LEMD3: variants seen among roughly 807,000 people sequenced by gnomAD.
The protein encoded by LEMD3 is LEM domain containing 3.
Under a neutral mutation model 95.2 loss-of-function variants are expected in LEMD3, and 33 were observed. That is an observed-to-expected ratio of 0.35 (90% CI 0.26 to 0.46). The LOEUF is 0.46. Among genes scored for constraint, LEMD3 ranks in the 20% least tolerant of loss-of-function variants. The probability of loss-of-function intolerance (pLI) is 1.00; values close to 1 mark genes in which losing one functional copy is unlikely to be tolerated. For missense variants in LEMD3, 1,210 were observed against 1,192.8 expected (o/e 1.01, Z -0.21); for synonymous variants, 525 against 474.6 (o/e 1.11, Z -1.38).
rs543788718 is a variant in LEMD3 at position 65,240,217 on chromosome 12, C to G, written c.2105C>G (p.Ser702Cys). The G allele has an allele frequency of 1.2e-6, 2 of 1,612,388 alleles. No individual in the cohort carries two copies. The highest frequency in any genetic ancestry group is 2.7e-5 in the African/African-American group (2 of 74,864). Residue 702 changes from serine to cysteine, a missense_variant, in exon 8 of 13, where the codon TCC (serine) becomes TGC (cysteine). Coordinates refer to ENST00000308330, the MANE Select transcript of LEMD3 (RefSeq NM_014319.5). ...PYMPIPHVRDSLIQPHDRKKM... is the reference protein window; with the variant it reads ...PYMPIPHVRDCLIQPHDRKKM... ...ATGCCTATTCCACATGTACGCGATT[C>G]CTTAATACAGCCTCATGACAGGTGT...
At chr12:65,192,455 A>G (rs574428628) in intron 1 of LEMD3, among the ~76,000 whole-genome samples, 20 of 152,026 alleles carry the variant, frequency 1.3e-4, no homozygotes, top group Middle Eastern at 3.4e-3. Flanking sequence ...CTTCCTTCCC[A>G]TTGTGCACAA....
chr12:65,179,604 G>A (rs12578404), intron 1 of LEMD3, among the ~76,000 whole-genome samples: 14,069 of 151,994 alleles, frequency 0.093, 720 homozygotes, highest in East Asian at 0.15. Flanking sequence ...ATCTAAATTC[G>A]AATGAAGATA....
At chr12:65,176,248 A>G (rs1006908950) in intron 1 of LEMD3, among the ~76,000 whole-genome samples, 1 of 152,224 alleles carries the variant, frequency 6.6e-6, no homozygotes, top group African/African-American at 2.4e-5. Flanking sequence ...CTCGTTGGCT[A>G]AACTGTTCAT....
intron 3 of LEMD3, among the ~76,000 whole-genome samples, chr12:65,218,105 G>A (rs1177582476): frequency 6.6e-6 from 1 of 152,136 alleles, no homozygotes; most frequent in South Asian, 2.1e-4. Context: ...TAAATGATTA[G>A]CTTTAAGAAT....
intron 4 of LEMD3, among the ~76,000 whole-genome samples, chr12:65,229,853 T>G (rs1229025013): frequency 6.6e-6 from 1 of 152,216 alleles, no homozygotes. Flanking sequence ...ACACCATTTA[T>G]TTTTGCATTT....
chr12:65,245,031 G>T (rs976513199), intron 10 of LEMD3, among the ~76,000 whole-genome samples: 3 of 152,014 alleles, frequency 2.0e-5, no homozygotes. Context: ...AAAGAAAACA[G>T]AAATTACTGT....
intron 4 of LEMD3, among the ~76,000 whole-genome samples, chr12:65,226,571 T>C (rs1372902660): frequency 3.9e-5 from 6 of 152,224 alleles, no homozygotes; most frequent in Non-Finnish European, 8.8e-5. Flanking sequence ...CCTGTGATTA[T>C]GCTTGTCAAC....
intron 6 of LEMD3, among the ~76,000 whole-genome samples, chr12:65,239,193 A>G (rs1402849977): frequency 6.6e-6 from 1 of 152,176 alleles, no homozygotes; most frequent in African/African-American, 2.4e-5. Context: ...TAAAATTTTT[A>G]TCATTTTTTA....
At chr12:65,172,843 A>C (rs1216217740) in intron 1 of LEMD3, among the ~76,000 whole-genome samples, 1 of 151,774 alleles carries the variant, frequency 6.6e-6, no homozygotes, top group Non-Finnish European at 1.5e-5. Flanking sequence ...CTCCTGCCTC[A>C]GCCTCCCAAG....
intron 1 of LEMD3, among the ~76,000 whole-genome samples, chr12:65,182,569 G>A (rs778095910): frequency 1.3e-5 from 2 of 151,962 alleles, no homozygotes; most frequent in African/African-American, 4.8e-5. Context: ...ATCTTTTCAC[G>A]TTACATAATT....
At position 65,186,631 on chromosome 12, in the gene LEMD3, CTTTTTTT is replaced by C. The variant is rs36112519; in HGVS notation, c.1522+15526_1522+15532del. Among the ~76,000 whole-genome samples, 15 of 80,220 alleles carry C rather than the reference CTTTTTTT, an allele frequency of 1.9e-4. No homozygotes were observed. In the South Asian group the frequency reaches 1.9e-3, roughly 10 times the overall value. 52.6% of individuals were successfully genotyped at this position (80,220 alleles called of 152,430 possible). A position where few individuals can be genotyped will look rare whatever the true frequency, so the allele number is the denominator to read the frequency against. ...TATGCTGCAAGGTTGGTTTAGATTG[CTTTTTTT>C]TTTTTTTTTTTTCGACACCTGTTTT... On this transcript the variant is annotated intron_variant, in intron 1 of 12. Coordinates refer to ENST00000308330, the MANE Select transcript of LEMD3 (RefSeq NM_014319.5).
chr12:65,208,465 G>A (rs1251637256), intron 1 of LEMD3, among the ~76,000 whole-genome samples: 1 of 152,012 alleles, frequency 6.6e-6, no homozygotes, highest in African/African-American at 2.4e-5. Context: ...TTGAAACAAG[G>A]TTTCTTCTCT....
chr12:65,173,190 C>T (rs1397223620), intron 1 of LEMD3, among the ~76,000 whole-genome samples: 1 of 152,046 alleles, frequency 6.6e-6, no homozygotes, highest in Non-Finnish European at 1.5e-5. Flanking sequence ...AAGTGGGTAC[C>T]TTTATTATGA....
At chr12:65,202,956 C>T (rs927896988) in intron 1 of LEMD3, among the ~76,000 whole-genome samples, 37 of 152,090 alleles carry the variant, frequency 2.4e-4, no homozygotes, top group African/African-American at 6.7e-4. Context: ...CCCACCTAAA[C>T]GCTTGTTAAT....
chr12:65,221,671 A>G (rs1870293190), intron 4 of LEMD3, among the ~76,000 whole-genome samples: 1 of 151,076 alleles, frequency 6.6e-6, no homozygotes. Flanking sequence ...GTCTAGTGCT[A>G]TGAGAGATAG....
At position 65,169,610 on chromosome 12, in the gene LEMD3, C is replaced by G. The variant is rs1257147609; in HGVS notation, c.14C>G (p.Ala5Gly). The G allele has an allele frequency of 1.9e-6, 3 of 1,587,674 alleles. No individual in the cohort carries two copies. The highest frequency in any genetic ancestry group is 2.3e-5 in the South Asian group (2 of 87,588). Residue 5 changes from alanine (A) to glycine (G), a missense_variant, in exon 1 of 13, where the codon GCA (alanine) becomes GGA (glycine). Coordinates refer to ENST00000308330, the MANE Select transcript of LEMD3 (RefSeq NM_014319.5). The part of the protein sequence containing the change: MAAA[A>G]ASAPQQLSDE... ...CCTGGAGAGAAAATGGCGGCGGCAG[C>G]AGCTTCGGCGCCTCAGCAGCTCTCG...
chr12:65,212,506 C>G (rs1304373609), intron 2 of LEMD3, among the ~76,000 whole-genome samples: 1 of 143,524 alleles, frequency 7.0e-6, no homozygotes, highest in Non-Finnish European at 1.5e-5. Context: ...CACTGTACTC[C>G]AGCCTGGGCT....
Position 65,191,330 on chromosome 12 carries a change from G to A in LEMD3, c.1523-19596G>A, listed in dbSNP as rs545398265. ...TAAGAATTTATTATGCAATCGACAAGGAAATTTTATTTTTTGTGACATCAG... is the reference window on the plus strand; with the variant it reads ...TAAGAATTTATTATGCAATCGACAAAGAAATTTTATTTTTTGTGACATCAG... On this transcript the variant is annotated intron_variant, in intron 1 of 12. Transcript: ENST00000308330. Among the ~76,000 whole-genome samples, 4 of 152,000 alleles carry A rather than the reference G, an allele frequency of 2.6e-5. No individual in the cohort carries two copies. In the South Asian group the frequency reaches 6.2e-4, roughly 24 times the overall value.
intron 1 of LEMD3, chr12:65,171,690 CT>C (rs1356221700): frequency 1.2e-5 from 2 of 164,582 alleles, no homozygotes; most frequent in Non-Finnish European, 2.7e-5. Flanking sequence ...GCCCAAAGCA[CT>C]TTCCCTATCA....
Sources: gnomAD v4.1 joint callset for allele counts (sites outside exome capture counted in the v4.1 genomes callset) on GRCh38, gnomAD v4.1.1 for gene constraint, MANE v1.5 for transcripts, NCBI Gene and HGNC (gene_info 2026-07-23, HGNC 2026-07-21) for gene names.